SAP30L: variants seen among roughly 807,000 people sequenced by gnomAD.
The protein encoded by SAP30L is SAP30 like.
SAP30L carries 10 observed loss-of-function variants against 22.3 expected under a neutral mutation model. The ratio of observed to expected loss-of-function variants is 0.45; its 90% CI spans 0.28 to 0.76. The LOEUF (loss-of-function observed/expected upper bound fraction) is 0.76, where lower values mean the gene tolerates loss of function less well. Among genes scored for constraint, SAP30L ranks in the 30% least tolerant of loss-of-function variants. SAP30L has a pLI of 0.14. For synonymous variants in SAP30L, 91 were observed against 94.1 expected (o/e 0.97, Z 0.19); for missense variants, 206 against 237.9 (o/e 0.87, Z 0.88).
In SAP30L at chr5:154,446,158, C is replaced by G. The variant is rs1375180804; in HGVS notation, c.-447C>G. ...GCCCCGCGCGAGGAGGCCGCGCCAC[C>G]CCGGGGGAGCTGCCCGGCAGCGAGT... On this transcript the variant is annotated 5_prime_UTR_variant, in exon 1 of 4. Transcript: ENST00000297109. 1.3e-5 allele frequency: 2 copies of G among 152,392 alleles called. No individual in the cohort carries two copies. Among genetic ancestry groups the G allele is most frequent in the East Asian group, 3.9e-4 (2 of 5,148 alleles). 9.4% of individuals were successfully genotyped at this position (152,392 alleles called of 1,614,324 possible).
At position 154,456,456 on chromosome 5, in the gene SAP30L, C is replaced by G. The variant is rs934827400; in HGVS notation, c.*428C>G. On this transcript the variant is annotated 3_prime_UTR_variant, in exon 4 of 4. Transcript: ENST00000297109. ...TCTGGACTTGCATGCTGCCCGCTGG[C>G]GACATAGATATCCCGCCCGCTTTGT... The G allele has an allele frequency of 6.2e-6, 1 of 161,822 alleles. No individual in the cohort carries two copies. Among genetic ancestry groups the G allele is most frequent in the Non-Finnish European group, 1.4e-5 (1 of 73,572 alleles). 10.0% of individuals were successfully genotyped at this position (161,822 alleles called of 1,614,324 possible). A position where few individuals can be genotyped will look rare whatever the true frequency, so the allele number is the denominator to read the frequency against.
At chr5:154,451,334 A>G in intron 2 of SAP30L, 121 bp downstream of exon 2, 2 of 1,055,330 alleles carry the variant, frequency 1.9e-6, no homozygotes, top group Non-Finnish European at 2.7e-6. Context: ...TTTGCTGTGG[A>G]TTATTTGAAA....
At chr5:154,449,591 T>C (rs563861587) in intron 1 of SAP30L, among the ~76,000 whole-genome samples, 1 of 152,358 alleles carries the variant, frequency 6.6e-6, no homozygotes, top group South Asian at 2.1e-4. Context: ...CTCGCCAGTC[T>C]AGCTAACATG....
intron 1 of SAP30L, among the ~76,000 whole-genome samples, chr5:154,447,498 C>G (rs986012816): frequency 6.6e-6 from 1 of 152,188 alleles, no homozygotes; most frequent in Non-Finnish European, 1.5e-5. Context: ...ATAGGAAACT[C>G]CTCCCGTGTG....
In SAP30L at chr5:154,458,724, A is replaced by C. The variant is rs734200; in HGVS notation, c.*2696A>C. On this transcript the variant is annotated 3_prime_UTR_variant, in exon 4 of 4. Transcript: ENST00000297109. The stretch of plus-strand genomic sequence containing the variant: ...ATATGCCCTGAAGGTTCTCACATGG[A>C]AACATCAGTATCCTGCCATTCATGT... 0.49 allele frequency: 75,184 copies of C among 151,974 alleles called. 19,361 individuals carry two copies. The highest frequency in any genetic ancestry group is 0.63 in the African/African-American group (26,140 of 41,434). 9.4% of individuals were successfully genotyped at this position (151,974 alleles called of 1,614,324 possible).
At chr5:154,447,245 C>T (rs2113264985) in intron 1 of SAP30L, among the ~76,000 whole-genome samples, 1 of 152,332 alleles carries the variant, frequency 6.6e-6, no homozygotes, top group East Asian at 1.9e-4. Flanking sequence ...TTCCCTGGCT[C>T]CCGCATCCTC....
At chr5:154,455,659 T>G (rs1378704929) in intron 3 of SAP30L, among the ~76,000 whole-genome samples, 1 of 152,062 alleles carries the variant, frequency 6.6e-6, no homozygotes, top group Non-Finnish European at 1.5e-5. Flanking sequence ...GAAATAGAAC[T>G]GCACCTTGGA....
At chr5:154,446,891 A>C in intron 1 of SAP30L, 86 bp downstream of exon 1, 2 of 1,194,928 alleles carry the variant, frequency 1.7e-6, no homozygotes, top group Admixed American at 2.2e-5. Context: ...CTCCCCGGGC[A>C]CTCCCCGCCG....
rs770096658 is a variant in SAP30L, at chr5:154,456,048, G to T, written c.*20G>T. The T allele has an allele frequency of 1.2e-5, 19 of 1,611,074 alleles. No individual in the cohort carries two copies. The highest frequency in any genetic ancestry group is 8.9e-5 in the East Asian group (4 of 44,864). On this transcript the variant is annotated 3_prime_UTR_variant, in exon 4 of 4. Coordinates refer to ENST00000297109, the MANE Select transcript of SAP30L (RefSeq NM_024632.6). ...GAGTGAGGATGAAGCACATCTTAAA[G>T]GAATGAAGTGTAATGCTTGATGCAC... is the stretch of plus-strand genomic sequence containing the variant.
chr5:154,450,907 G>A (rs916198521), intron 1 of SAP30L, among the ~76,000 whole-genome samples, 184 bp from the exon 2 acceptor site: 1 of 152,218 alleles, frequency 6.6e-6, no homozygotes, highest in Non-Finnish European at 1.5e-5. Context: ...TGCCAAGTGT[G>A]ATGTTAGCAT....
At position 154,457,378 on chromosome 5, in the gene SAP30L, CAT is replaced by C. The variant is rs578058989; in HGVS notation, c.*1353_*1354del. The C allele has an allele frequency of 5.9e-5, 9 of 152,316 alleles. No individual in the cohort carries two copies. In the East Asian group the frequency reaches 1.7e-3, roughly 29 times the overall value. 9.4% of individuals were successfully genotyped at this position (152,316 alleles called of 1,614,324 possible). ...GGATTCTAATTTATGACCATCTTGA[CAT>C]ATGGTCAAAGGTGTCATTTTCCTAC... On this transcript the variant is annotated 3_prime_UTR_variant, in exon 4 of 4. Transcript: ENST00000297109.
intron 3 of SAP30L, among the ~76,000 whole-genome samples, chr5:154,455,550 T>C (rs1361237907): frequency 6.6e-6 from 1 of 152,234 alleles, no homozygotes; most frequent in Non-Finnish European, 1.5e-5. Context: ...TTTCAAGGCC[T>C]GAGAGGTTTG....
At chr5:154,449,838 T>C (rs1173518141) in intron 1 of SAP30L, among the ~76,000 whole-genome samples, 1 of 152,208 alleles carries the variant, frequency 6.6e-6, no homozygotes, top group African/African-American at 2.4e-5. Flanking sequence ...AGACTTCCTA[T>C]ATTGGTACAT....
chr5:154,454,237 A>T (rs1160411545), intron 3 of SAP30L, among the ~76,000 whole-genome samples: 1 of 152,104 alleles, frequency 6.6e-6, no homozygotes, highest in Non-Finnish European at 1.5e-5. Context: ...GTTGGTAATG[A>T]CAGTATTTTA....
rs1316239307 is a variant in SAP30L at position 154,459,280 on chromosome 5, TC to T, written c.*3253del. The stretch of plus-strand genomic sequence containing the variant: ...CTAGTCTCCACATAGGTGCTGACAT[TC>T]TGCCTACAACCATCCCACCAAGGGG... On this transcript the variant is annotated 3_prime_UTR_variant, in exon 4 of 4. Coordinates refer to ENST00000297109, the MANE Select transcript of SAP30L (RefSeq NM_024632.6). 4.6e-5 allele frequency: 7 copies of T among 152,272 alleles called. No individual in the cohort carries two copies. The highest frequency in any genetic ancestry group is 3.3e-4 in the Admixed American group (5 of 15,282). 9.4% of individuals were successfully genotyped at this position (152,272 alleles called of 1,614,324 possible).
At chr5:154,447,734 C>T (rs1757051664) in intron 1 of SAP30L, among the ~76,000 whole-genome samples, 1 of 152,168 alleles carries the variant, frequency 6.6e-6, no homozygotes, top group South Asian at 2.1e-4. Flanking sequence ...TGGAGGAAAT[C>T]AGAGACTGCT....
chr5:154,446,833 C>T (rs760458000), intron 1 of SAP30L, 28 bp downstream of exon 1: 3 of 1,566,250 alleles, frequency 1.9e-6, no homozygotes, highest in Admixed American at 3.5e-5. Flanking sequence ...CGCGTCTGGG[C>T]CCCGGCGCCC....
rs879745329 is a variant in SAP30L, at chr5:154,459,212, G to T, written c.*3184G>T. On this transcript the variant is annotated 3_prime_UTR_variant, in exon 4 of 4. Coordinates refer to ENST00000297109, the MANE Select transcript of SAP30L (RefSeq NM_024632.6). Reference sequence around the variant, plus strand: ...CAAAGGCGCTCTCAGTCATTACAATGACAGGATCTCAAAGTTGGGAAAGGG... The same window carrying T: ...CAAAGGCGCTCTCAGTCATTACAATTACAGGATCTCAAAGTTGGGAAAGGG... The T allele has an allele frequency of 1.3e-5, 2 of 152,262 alleles. No homozygotes were observed. Among genetic ancestry groups the T allele is most frequent in the Non-Finnish European group, 2.9e-5 (2 of 68,066 alleles). The allele number at this position is 152,262 out of a possible 1,614,324, so 9.4% of individuals were successfully genotyped here. A position where few individuals can be genotyped will look rare whatever the true frequency, so the allele number is the denominator to read the frequency against.
At chr5:154,452,581 G>T (rs551454588) in intron 2 of SAP30L, 31 of 659,016 alleles carry the variant, frequency 4.7e-5, no homozygotes, top group African/African-American at 2.9e-4. Context: ...AAACAAAAAG[G>T]GGGGGTCCCT....
Sources: gnomAD v4.1 joint callset for allele counts (sites outside exome capture counted in the v4.1 genomes callset) on GRCh38, gnomAD v4.1.1 for gene constraint, MANE v1.5 for transcripts, NCBI Gene and HGNC (gene_info 2026-07-23, HGNC 2026-07-21) for gene names.